POF1B: variants seen among roughly 807,000 people sequenced by gnomAD.
The protein encoded by POF1B is protein POF1B.
Under a neutral mutation model 55.3 loss-of-function variants are expected in POF1B, and 53 were observed. The ratio of observed to expected loss-of-function variants is 0.96; its 90% CI spans 0.77 to 1.20. POF1B has a LOEUF of 1.20. POF1B is among the 50% of genes most tolerant of loss of function. The pLI is 0.00. For missense variants in POF1B, 478 were observed against 420.5 expected (o/e 1.14, Z -1.20); for synonymous variants, 188 against 148.3 (o/e 1.27, Z -1.95).
intron 16 of POF1B, 139 bp from the exon 17 acceptor site, chrX:85,279,565 T>TTA (rs910834044): frequency 2.8e-4 from 113 of 404,832 alleles, no homozygotes; most frequent in Middle Eastern, 1.5e-3. Context: ...TGGCACTCTT[T>TTA]TATATATATA....
intron 15 of POF1B, among the ~76,000 whole-genome samples, chrX:85,298,277 G>A (rs188649514): frequency 1.8e-5 from 2 of 112,320 alleles, no homozygotes; most frequent in Non-Finnish European, 3.8e-5. Context: ...TGTTGCAGCT[G>A]TTCCACATGT....
rs189686062 is a variant in POF1B, at chrX:85,324,074, A to C, written c.854+6875T>G. ...TTCTATTTTTATTGCACTGTGGTTC[A>C]AGATTGTAGTTGTTGTTATTTCATG... On this transcript the variant is annotated intron_variant, in intron 7 of 16. Transcript: ENST00000262753. Among the ~76,000 whole-genome samples the C allele has an allele frequency of 8.1e-5, 9 of 111,772 alleles. No individual in the cohort carries two copies. The East Asian group carries it at 2.5e-3, about 31-fold the overall frequency.
chrX:85,303,542 A>G (rs1932507119), intron 14 of POF1B, 54 bp from the exon 15 acceptor site: 2 of 819,542 alleles, frequency 2.4e-6, no homozygotes, highest in Non-Finnish European at 3.5e-6. Context: ...ACATGAGATA[A>G]TAAATATATT....
intron 6 of POF1B, among the ~76,000 whole-genome samples, chrX:85,340,787 G>C (rs995740017): frequency 9.0e-6 from 1 of 110,501 alleles, no homozygotes; most frequent in Non-Finnish European, 1.9e-5. Flanking sequence ...GGATTACAGA[G>C]TTTCAAGGAG....
intron 7 of POF1B, among the ~76,000 whole-genome samples, chrX:85,323,426 C>A (rs1488201265): frequency 2.0e-5 from 2 of 99,419 alleles, no homozygotes; most frequent in Non-Finnish European, 4.0e-5. Context: ...AGGGGAACAT[C>A]ACACTCTGGG....
In POF1B at chrX:85,277,734, A is replaced by C. The variant is rs1931813276; in HGVS notation, c.*1687T>G. The C allele has an allele frequency of 9.1e-6, 1 of 109,901 alleles. No individual in the cohort carries two copies. Among genetic ancestry groups the C allele is most frequent in the Non-Finnish European group, 1.9e-5 (1 of 52,328 alleles). 9.1% of individuals were successfully genotyped at this position (109,901 alleles called of 1,213,427 possible). On this transcript the variant is annotated 3_prime_UTR_variant, in exon 17 of 17. Transcript: ENST00000262753. ...ATAGTGACCTCTAGTTCCATCCATG[A>C]CTCCTTAACTGCCCCTGAATTTTTG...
chrX:85,338,410 AGT>A (rs1367042622), intron 6 of POF1B, among the ~76,000 whole-genome samples: 1 of 111,704 alleles, frequency 9.0e-6, no homozygotes, highest in African/African-American at 3.2e-5. Context: ...TTGGTGTGTG[AGT>A]GTGTGTTTCC....
chrX:85,278,291 C>T lies in POF1B; in HGVS notation c.*1130G>A, dbSNP rs766504730. The T allele has an allele frequency of 9.0e-6, 1 of 110,631 alleles. No homozygotes were observed. Among genetic ancestry groups the T allele is most frequent in the South Asian group, 3.8e-4 (1 of 2,662 alleles). The allele number at this position is 110,631 out of a possible 1,213,427, so 9.1% of individuals were successfully genotyped here. On this transcript the variant is annotated 3_prime_UTR_variant, in exon 17 of 17. Coordinates refer to ENST00000262753, the MANE Select transcript of POF1B (RefSeq NM_024921.4). ...TGGATACTTGCAAAGATATTTCAGT[C>T]CAAAACTTCAAATTACACACCCAAA...
intron 12 of POF1B, 123 bp downstream of exon 12, chrX:85,306,058 T>C: frequency 1.1e-6 from 1 of 950,241 alleles, no homozygotes; most frequent in Admixed American, 3.1e-5. Context: ...ATTATAAAGC[T>C]CAAATGTCAG....
At chrX:85,281,872 A>G (rs3810759) in intron 16 of POF1B, among the ~76,000 whole-genome samples, 1,981 of 109,965 alleles carry the variant, frequency 0.018, 34 homozygotes, top group African/African-American at 0.046. Context: ...AGAAAAAGGG[A>G]AACTGTTTTG....
intron 7 of POF1B, among the ~76,000 whole-genome samples, chrX:85,320,440 C>G (rs1393078660): frequency 1.8e-5 from 2 of 110,473 alleles, no homozygotes; most frequent in Admixed American, 9.7e-5. Context: ...ACATTGAAAA[C>G]AGTGTGTAGA....
intron 7 of POF1B, among the ~76,000 whole-genome samples, chrX:85,324,630 A>G (rs1280729979): frequency 9.0e-6 from 1 of 111,200 alleles, no homozygotes; most frequent in Non-Finnish European, 1.9e-5. Flanking sequence ...TCTCTTGAAG[A>G]TAGGATACCT....
At chrX:85,290,624 G>A (rs750096182) in intron 15 of POF1B, among the ~76,000 whole-genome samples, 2 of 111,505 alleles carry the variant, frequency 1.8e-5, no homozygotes, top group African/African-American at 3.3e-5. Context: ...GTTGTTTATC[G>A]ACTTTTTAAT....
chrX:85,376,022 G>A (rs1933914433), intron 2 of POF1B, among the ~76,000 whole-genome samples: 1 of 111,694 alleles, frequency 9.0e-6, no homozygotes, highest in African/African-American at 3.3e-5. Flanking sequence ...GGCTCTGTAT[G>A]TCTGTCCTAA....
At chrX:85,314,709 A>G (rs1321259760) in intron 8 of POF1B, among the ~76,000 whole-genome samples, 2 of 112,095 alleles carry the variant, frequency 1.8e-5, no homozygotes, top group Non-Finnish European at 3.8e-5. Flanking sequence ...CAGTATAAAA[A>G]TAATCCTGAA....
Position 85,304,403 on chromosome X carries a change from C to A in POF1B, c.1506G>T (p.Lys502Asn). ...CCAGCAAGCTTGTCAGTTCATGAAG[C>A]TTAAATTGGAAGTCACTACAACTTC... is the stretch of plus-strand genomic sequence containing the variant. ...REGSCSDFQFKLHELTSLLEE... is the reference protein window; with the variant it reads ...REGSCSDFQFNLHELTSLLEE... Residue 502 changes from lysine (K) to asparagine (N), a missense_variant, in exon 14 of 17, where the codon AAG becomes AAT. By Grantham distance (94) the Lys-to-Asn change is moderately conservative. Coordinates refer to ENST00000262753, the MANE Select transcript of POF1B (RefSeq NM_024921.4). The A allele has an allele frequency of 8.4e-7, 1 of 1,195,130 alleles. No individual in the cohort carries two copies. Among genetic ancestry groups the A allele is most frequent in the Non-Finnish European group, 1.1e-6 (1 of 885,145 alleles).
intron 6 of POF1B, among the ~76,000 whole-genome samples, chrX:85,334,459 A>C (rs1933031679): frequency 9.0e-6 from 1 of 111,563 alleles, no homozygotes; most frequent in South Asian, 3.7e-4. Flanking sequence ...TTTCTAAAAA[A>C]CTACAAAAAT....
intron 15 of POF1B, among the ~76,000 whole-genome samples, chrX:85,294,870 A>G (rs139614390): frequency 0.024 from 2,671 of 111,245 alleles, 39 homozygotes; most frequent in Middle Eastern, 0.051. Flanking sequence ...GTTGTCTTGT[A>G]GGAGTTTTTT....
At chrX:85,377,667 G>C (rs775670235) in intron 2 of POF1B, among the ~76,000 whole-genome samples, 15 of 111,616 alleles carry the variant, frequency 1.3e-4, no homozygotes, top group Non-Finnish European at 2.3e-4. Flanking sequence ...TTAGGAAGGA[G>C]ATAGTCCATT....
Sources: allele counts gnomAD v4.1 joint callset (sites outside exome capture counted in the v4.1 genomes callset), GRCh38; gene constraint gnomAD v4.1.1; transcripts MANE v1.5; gene names NCBI Gene and HGNC (gene_info 2026-07-23, HGNC 2026-07-21).